Variants in METTL21A observed in about 807,000 individuals in gnomAD.
The protein encoded by METTL21A is protein N-lysine methyltransferase METTL21A.
METTL21A carries 22 observed loss-of-function variants against 20.9 expected under a neutral mutation model. The ratio of observed to expected loss-of-function variants is 1.05; its 90% CI spans 0.75 to 1.50. METTL21A has a LOEUF of 1.50. Ranked by LOEUF, METTL21A falls within the 40% of genes most tolerant of loss-of-function variation. The pLI is 0.00. For missense variants in METTL21A, 271 were observed against 266.8 expected (o/e 1.02, Z -0.11); for synonymous variants, 93 against 102.0 (o/e 0.91, Z 0.53).
chr2:207,586,801 A>T (rs1574949023), intron 3 of METTL21A, among the ~76,000 whole-genome samples: 1 of 152,256 alleles, frequency 6.6e-6, no homozygotes, highest in Admixed American at 6.5e-5. Context: ...ATATTTGAAA[A>T]GCTCAACATT....
intron 3 of METTL21A, among the ~76,000 whole-genome samples, chr2:207,613,649 C>T (rs1376822322): frequency 6.6e-6 from 1 of 152,206 alleles, no homozygotes; most frequent in African/African-American, 2.4e-5. Flanking sequence ...TCTTGATTTG[C>T]CTCTATGACA....
At chr2:207,617,952 G>A (rs1575139487) in intron 3 of METTL21A, among the ~76,000 whole-genome samples, 1 of 152,168 alleles carries the variant, frequency 6.6e-6, no homozygotes, top group African/African-American at 2.4e-5. Flanking sequence ...AATAAAGGAG[G>A]AAGAACAAGT....
At chr2:207,581,288 T>TA (rs1260399027), downstream of METTL21A, 1 of 196,640 alleles carries the variant, frequency 5.1e-6, no homozygotes, top group East Asian at 8.1e-5. Context: ...TGAAAAATTC[T>TA]AAAAAAATTA....
At chr2:207,600,443 A>T (rs1231020999) in intron 3 of METTL21A, 1 of 195,734 alleles carries the variant, frequency 5.1e-6, no homozygotes. Flanking sequence ...TTTTCTTCCA[A>T]GTATTTTATT....
intron 3 of METTL21A, chr2:207,603,384 T>C (rs1163261903): frequency 4.4e-6 from 1 of 224,860 alleles, no homozygotes; most frequent in Non-Finnish European, 8.9e-6. Context: ...AATGCTCTTT[T>C]TACACAAACA....
intron 3 of METTL21A, among the ~76,000 whole-genome samples, chr2:207,594,336 C>T (rs1375901369): frequency 6.6e-6 from 1 of 152,128 alleles, no homozygotes; most frequent in African/African-American, 2.4e-5. Flanking sequence ...ACTTGTTCAT[C>T]TTGCAAAATT....
intron 3 of METTL21A, chr2:207,599,325 ATT>A (rs2086667590): frequency 4.8e-6 from 1 of 207,274 alleles, no homozygotes; most frequent in South Asian, 1.9e-4. Flanking sequence ...GGAATTATTT[ATT>A]GAGTCAAAAT....
downstream of METTL21A, among the ~76,000 whole-genome samples, chr2:207,607,875 C>T (rs776516260): frequency 2.0e-5 from 3 of 151,832 alleles, no homozygotes; most frequent in Non-Finnish European, 4.4e-5. Flanking sequence ...TTAAAATGTA[C>T]ATTTATGTGA....
At chr2:207,588,325 C>T (rs1442526286) in intron 3 of METTL21A, among the ~76,000 whole-genome samples, 2 of 151,956 alleles carry the variant, frequency 1.3e-5, no homozygotes, top group Non-Finnish European at 2.9e-5. Flanking sequence ...TGCCCTTGCT[C>T]TTTTTTTCAA....
At chr2:207,607,490 A>G (rs747196530), downstream of METTL21A, among the ~76,000 whole-genome samples, 17 of 151,634 alleles carry the variant, frequency 1.1e-4, no homozygotes, top group South Asian at 6.3e-4. Context: ...AAGATAAAAC[A>G]TTCCAAATAA....
At chr2:207,613,971 C>CA (rs1190702133) in intron 3 of METTL21A, among the ~76,000 whole-genome samples, 3 of 151,840 alleles carry the variant, frequency 2.0e-5, no homozygotes, top group African/African-American at 4.8e-5. Context: ...AACTCCATCT[C>CA]AAAAAAAAGT....
chr2:207,621,820 A>T (rs1347260317), exon 3 of METTL21A: 1 of 1,614,014 alleles, frequency 6.2e-7, no homozygotes, highest in South Asian at 1.1e-5. Context: ...CAGGGCAGCC[A>T]CTATGCCCAC....
intron 3 of METTL21A, among the ~76,000 whole-genome samples, chr2:207,587,433 TAAAAG>T (rs1321658819): frequency 7.0e-6 from 1 of 142,176 alleles, no homozygotes; most frequent in Non-Finnish European, 1.5e-5. Context: ...ACACAAAAAA[TAAAAG>T]AACCACTATA....
chr2:207,606,190 G>A (rs2088065191), downstream of METTL21A, among the ~76,000 whole-genome samples: 1 of 152,164 alleles, frequency 6.6e-6, no homozygotes, highest in African/African-American at 2.4e-5. Flanking sequence ...TCTTCAAGTT[G>A]GGCCGGGGTG....
intron 3 of METTL21A, among the ~76,000 whole-genome samples, chr2:207,590,082 AGTTTT>A (rs71036936): frequency 0.23 from 21,553 of 95,432 alleles, 1,819 homozygotes; most frequent in Middle Eastern, 0.3. Flanking sequence ...TATTTTGAGA[AGTTTT>A]TTTTTTTTTT....
downstream of METTL21A, chr2:207,580,661 A>T (rs1198932676): frequency 4.5e-6 from 1 of 220,736 alleles, no homozygotes; most frequent in African/African-American, 2.2e-5. Flanking sequence ...CATTTATTTC[A>T]AGATGAAGGT....
At chr2:207,603,475 GT>G (rs551183821) in intron 3 of METTL21A, 13 of 224,372 alleles carry the variant, frequency 5.8e-5, no homozygotes, top group East Asian at 1.3e-4. Context: ...ATTTTGTTGG[GT>G]TTTTTTTGCT....
intron 2 of METTL21A, among the ~76,000 whole-genome samples, chr2:207,622,892 A>G (rs2090663546): frequency 6.6e-6 from 1 of 150,936 alleles, no homozygotes; most frequent in South Asian, 2.1e-4. Flanking sequence ...GAGTCTTCCC[A>G]TTCCTCGTTA....
Position 207,583,964 on chromosome 2 carries a change from T to C in METTL21A, c.260-1804A>G, listed in dbSNP as rs568307382. Among the ~76,000 whole-genome samples, 7 of 152,346 alleles carry C rather than the reference T, an allele frequency of 4.6e-5. 1 individual carries two copies. In the South Asian group the frequency reaches 1.4e-3, roughly 32 times the overall value. Reference sequence around the variant, plus strand: ...GCCTTTTAGATCTGGTTCCTTCATCTAGCAAAATGCATTTAAGATTTATTG... The same window carrying C: ...GCCTTTTAGATCTGGTTCCTTCATCCAGCAAAATGCATTTAAGATTTATTG... On this transcript the variant is annotated intron_variant, in intron 3 of 3. Coordinates refer to the METTL21A transcript ENST00000425132.
Sources: gnomAD v4.1 joint callset for allele counts (sites outside exome capture counted in the v4.1 genomes callset) on GRCh38, gnomAD v4.1.1 for gene constraint, MANE v1.5 for transcripts, NCBI Gene and HGNC (gene_info 2026-07-23, HGNC 2026-07-21) for gene names.